Variants in BLOC1S3 observed in about 807,000 individuals in gnomAD.
BLOC1S3 encodes biogenesis of lysosomal organelles complex 1 subunit 3.
A neutral mutation model predicts 9.1 loss-of-function variants in BLOC1S3; 7 were observed. The observed-to-expected ratio is 0.77, with a 90% CI of 0.44 to 1.45. BLOC1S3 has a LOEUF of 1.45. Among genes scored for constraint, BLOC1S3 ranks in the 40% most tolerant of loss-of-function variants. The pLI, the probability that BLOC1S3 is intolerant of heterozygous loss-of-function variation, is 0.01. For synonymous variants in BLOC1S3, 145 were observed against 158.4 expected, an observed-to-expected ratio of 0.92 and a Z score of 0.64; for missense variants, 307 against 315.2, an observed-to-expected ratio of 0.97 and a Z score of 0.20.
rs1168367626 is a variant in BLOC1S3 at position 45,181,794 on chromosome 19, G to A, written c.*1889G>A. The A allele has an allele frequency of 6.0e-6, 1 of 166,952 alleles. No individual in the cohort carries two copies. Among genetic ancestry groups the A allele is most frequent in the Non-Finnish European group, 1.5e-5 (1 of 68,114 alleles). The allele number at this position is 166,952 out of a possible 1,614,324, so 10.3% of individuals were successfully genotyped here. ...ATGGCGGACTGATTAAAACTCTTAA[G>A]CATTTACCCTTATGGTTAGTTCCTT... On this transcript the variant is annotated 3_prime_UTR_variant, in exon 2 of 2. Coordinates refer to ENST00000433642, the MANE Select transcript of BLOC1S3 (RefSeq NM_212550.5).
chr19:45,211,859 G>A lies in BLOC1S3; in HGVS notation n.283-4817G>A, dbSNP rs1599758061. 1.3e-5 allele frequency among the ~76,000 whole-genome samples: 2 copies of A among 152,112 alleles called. 1 individual carries two copies. The highest frequency in any genetic ancestry group is 1.3e-4 in the Admixed American group (2 of 15,280). On this transcript the variant is annotated intron_variant and non_coding_transcript_variant, in intron 3 of 3. Coordinates refer to the BLOC1S3 transcript ENST00000591569. The stretch of plus-strand genomic sequence containing the variant: ...CCACAAGTCAGGAAACATCCATCAC[G>A]GGCTGTCCAGCCCAGGCCGGAGGGG...
rs1969489398 is a variant in BLOC1S3 at position 45,179,871 on chromosome 19, C to T, written c.575C>T (p.Thr192Ile). Residue 192 changes from threonine (T) to isoleucine (I), a missense_variant, in exon 2 of 2, where the codon ACC (threonine) becomes ATC (isoleucine). Coordinates refer to ENST00000433642, the MANE Select transcript of BLOC1S3 (RefSeq NM_212550.5). This position sits in a 1 kb window ranked among gnomAD's most constrained non-coding sequence, Gnocchi z 4.6. ...LLPDIRGVPG[T>I]EPEKDPGPRA ...CCGGACATCCGCGGCGTGCCAGGGACCGAGCCTGAGAAAGACCCGGGGCCG... is the reference window on the plus strand; with the variant it reads ...CCGGACATCCGCGGCGTGCCAGGGATCGAGCCTGAGAAAGACCCGGGGCCG... 2.5e-6 allele frequency: 4 copies of T among 1,609,284 alleles called. No individual in the cohort carries two copies. Among genetic ancestry groups the T allele is most frequent in the Middle Eastern group, 1.6e-4 (1 of 6,064 alleles).
At chr19:45,195,569 CCCTCCCTCCCTCCCTCTCTCCCTT>C (rs1969641567) in intron 2 of BLOC1S3, among the ~76,000 whole-genome samples, 1 of 134,378 alleles carries the variant, frequency 7.4e-6, no homozygotes, top group Non-Finnish European at 1.6e-5. Context: ...TTCCCTCCCT[CCCTCCCTCCCTCCCTCTCTCCCTT>C]CCTCCCTCCT....
At chr19:45,183,623 CTTTTTTT>C (rs57651816), downstream of BLOC1S3, among the ~76,000 whole-genome samples, 128 of 105,084 alleles carry the variant, frequency 1.2e-3, no homozygotes, top group Admixed American at 2.6e-3. Flanking sequence ...CTTTTCTTTT[CTTTTTTT>C]TTTTTTTTTT....
chr19:45,203,526 C>A (rs1479356941), intron 3 of BLOC1S3, among the ~76,000 whole-genome samples: 2 of 152,288 alleles, frequency 1.3e-5, no homozygotes, highest in East Asian at 3.9e-4. Flanking sequence ...CCTGCCTAAG[C>A]TTCCCAAAGT....
intron 3 of BLOC1S3, among the ~76,000 whole-genome samples, chr19:45,208,622 G>T (rs1258888553): frequency 6.6e-6 from 1 of 152,106 alleles, no homozygotes; most frequent in African/African-American, 2.4e-5. Context: ...GGGTGTGGTG[G>T]TGGGTGCCTG....
intron 2 of BLOC1S3, among the ~76,000 whole-genome samples, chr19:45,197,620 G>A (rs1969658939): frequency 6.6e-6 from 1 of 151,976 alleles, no homozygotes; most frequent in South Asian, 2.1e-4. Context: ...GAGGTCAGGA[G>A]TTCAAGACCA....
At chr19:45,214,761 G>A (rs1969815815) in intron 3 of BLOC1S3, among the ~76,000 whole-genome samples, 1 of 151,182 alleles carries the variant, frequency 6.6e-6, no homozygotes, top group South Asian at 2.1e-4. Flanking sequence ...CACCATGCCC[G>A]GCCGATCTGG....
intron 3 of BLOC1S3, among the ~76,000 whole-genome samples, chr19:45,208,480 G>A (rs1043176033): frequency 4.6e-5 from 7 of 151,876 alleles, no homozygotes; most frequent in Non-Finnish European, 1.0e-4. Flanking sequence ...GGTGTCGGGC[G>A]TGGTGGCTCA....
Position 45,179,773 on chromosome 19 carries a change from C to T in BLOC1S3, c.477C>T (p.Ser159=), listed in dbSNP as rs776702011. The T allele has an allele frequency of 1.9e-6, 3 of 1,540,876 alleles. No individual in the cohort carries two copies. The highest frequency in any genetic ancestry group is 3.9e-5 in the Admixed American group (2 of 50,694). The change falls in exon 2 of 2, where the codon AGC becomes AGT. Residue 159 remains serine, a synonymous_variant. Coordinates refer to ENST00000433642, the MANE Select transcript of BLOC1S3 (RefSeq NM_212550.5). The surrounding 1 kb of genome is among the most constrained non-coding windows in gnomAD (Gnocchi z 4.6). ...AQAAGLAAAH[S]VRLARGDLCA... ...CGGCGGGGCTGGCGGCGGCCCACAG[C>T]GTGCGCCTGGCGCGCGGGGACCTTT...
chr19:45,196,021 A>AG (rs1363646067), intron 2 of BLOC1S3, among the ~76,000 whole-genome samples: 1 of 152,202 alleles, frequency 6.6e-6, no homozygotes, highest in African/African-American at 2.4e-5. Context: ...ATGATCATTC[A>AG]GGGTGTTCCC....
At chr19:45,182,866 T>C (rs1295720694), downstream of BLOC1S3, among the ~76,000 whole-genome samples, 2 of 151,892 alleles carry the variant, frequency 1.3e-5, no homozygotes, top group Non-Finnish European at 2.9e-5. Flanking sequence ...ATTAGAGCCA[T>C]GAAGAAGTAA....
chr19:45,211,510 G>GAA (rs576231552), intron 3 of BLOC1S3, among the ~76,000 whole-genome samples: 7 of 109,552 alleles, frequency 6.4e-5, no homozygotes, highest in Non-Finnish European at 9.6e-5. Context: ...GACTCTGACT[G>GAA]AAAAAAAAAA....
At chr19:45,184,070 C>T (rs73566232), downstream of BLOC1S3, among the ~76,000 whole-genome samples, 5,847 of 152,256 alleles carry the variant, frequency 0.038, 352 homozygotes, top group African/African-American at 0.13. Flanking sequence ...AACTCCAGCT[C>T]ACTAGCCAGG....
downstream of BLOC1S3, among the ~76,000 whole-genome samples, chr19:45,185,705 G>T (rs1969561267): frequency 6.6e-6 from 1 of 151,882 alleles, no homozygotes; most frequent in Admixed American, 6.6e-5. Flanking sequence ...TCAGTCAAGA[G>T]CCAGGCCACA....
chr19:45,183,781 C>A (rs973240655), downstream of BLOC1S3, among the ~76,000 whole-genome samples: 14 of 151,820 alleles, frequency 9.2e-5, no homozygotes, highest in African/African-American at 3.4e-4. Context: ...CACGTGCCAC[C>A]ATGCCCAGCT....
At position 45,180,265 on chromosome 19, in the gene BLOC1S3, CAG is replaced by C. The variant is rs1267843530; in HGVS notation, c.*361_*362del. ...TTTTTTTTTTTTTTTTTTTTGGAGA[CAG>C]GGTGTTTATCTGTCACCCAGGCTAG... On this transcript the variant is annotated 3_prime_UTR_variant, in exon 2 of 2. Coordinates refer to ENST00000433642, the MANE Select transcript of BLOC1S3 (RefSeq NM_212550.5). 8.2e-6 allele frequency: 1 copy of C among 122,406 alleles called. No homozygotes were observed. The highest frequency in any genetic ancestry group is 1.5e-5 in the Non-Finnish European group (1 of 66,160). The allele number at this position is 122,406 out of a possible 1,614,324, so 7.6% of individuals were successfully genotyped here. A position where few individuals can be genotyped will look rare whatever the true frequency, so the allele number is the denominator to read the frequency against.
chr19:45,206,177 G>T (rs112261488), intron 3 of BLOC1S3, among the ~76,000 whole-genome samples: 1 of 151,834 alleles, frequency 6.6e-6, no homozygotes, highest in Admixed American at 6.6e-5. Flanking sequence ...GTTAAACCCC[G>T]TATCTAGTAA....
intron 3 of BLOC1S3, among the ~76,000 whole-genome samples, chr19:45,210,289 C>CTTTTTT (rs71173125): frequency 1.7e-4 from 13 of 74,434 alleles, no homozygotes; most frequent in East Asian, 7.5e-4. Context: ...ACTATTTTAA[C>CTTTTTT]TTTTTTTTTT....
Sources: gnomAD v4.1 joint callset for allele counts (sites outside exome capture counted in the v4.1 genomes callset) on GRCh38, gnomAD v4.1.1 for gene constraint, Gnocchi (gnomAD v3.1) non-coding constraint, MANE v1.5 for transcripts, NCBI Gene and HGNC (gene_info 2026-07-23, HGNC 2026-07-21) for gene names.